Variants in PRKAA2 observed in about 807,000 individuals in gnomAD.
PRKAA2 encodes protein kinase AMP-activated catalytic subunit alpha 2.
PRKAA2 carries 40 observed loss-of-function variants against 56.3 expected under a neutral mutation model. That is an observed-to-expected ratio of 0.71 (90% confidence interval 0.55 to 0.92). The LOEUF (loss-of-function observed/expected upper bound fraction) is 0.92, where lower values mean the gene tolerates loss of function less well. PRKAA2 is among the 40% of genes least tolerant of loss of function. The pLI, the probability that PRKAA2 is intolerant of heterozygous loss-of-function variation, is 0.00. For missense variants in PRKAA2, 542 were observed against 686.9 expected (o/e 0.79, Z 2.36); for synonymous variants, 214 against 234.2 (o/e 0.91, Z 0.79).
Position 56,713,624 on chromosome 1 carries a change from G to A in PRKAA2, c.*5911G>A, listed in dbSNP as rs1228442340. ...ACAAGGTTCATACAGTGCATACAGT[G>A]TGACCTTTTCTGAGGTGGGCAGGGA... On this transcript the variant is annotated 3_prime_UTR_variant, in exon 9 of 9. Coordinates refer to ENST00000371244, the MANE Select transcript of PRKAA2 (RefSeq NM_006252.4). 6.6e-6 allele frequency: 1 copy of A among 152,062 alleles called. No homozygotes were observed. The highest frequency in any genetic ancestry group is 1.5e-5 in the Non-Finnish European group (1 of 68,006). The allele number at this position is 152,062 out of a possible 1,614,324, so 9.4% of individuals were successfully genotyped here.
At chr1:56,700,656 G>A (rs944412339) in intron 6 of PRKAA2, among the ~76,000 whole-genome samples, 1 of 152,118 alleles carries the variant, frequency 6.6e-6, no homozygotes, top group African/African-American at 2.4e-5. Context: ...TTTAACAAAT[G>A]CCCTGGGGAG....
intron 1 of PRKAA2, among the ~76,000 whole-genome samples, chr1:56,650,058 G>A (rs533500062): frequency 5.5e-4 from 83 of 152,010 alleles, no homozygotes; most frequent in Middle Eastern, 3.4e-3. Flanking sequence ...TTGTGCCACT[G>A]CACTCCAGCC....
At chr1:56,659,112 A>G (rs1192391173) in intron 1 of PRKAA2, among the ~76,000 whole-genome samples, 1 of 151,514 alleles carries the variant, frequency 6.6e-6, no homozygotes, top group East Asian at 1.9e-4. Flanking sequence ...TGTAAACTGT[A>G]TTCCTGACTC....
intron 6 of PRKAA2, among the ~76,000 whole-genome samples, chr1:56,702,754 G>A (rs1050955951): frequency 1.5e-4 from 23 of 152,068 alleles, no homozygotes; most frequent in Non-Finnish European, 3.4e-4. Context: ...TACTCAGAGT[G>A]GCTTCCCTGA....
chr1:56,686,638 C>T (rs891875733), intron 2 of PRKAA2, among the ~76,000 whole-genome samples: 4 of 152,046 alleles, frequency 2.6e-5, no homozygotes, highest in African/African-American at 9.7e-5. Flanking sequence ...GAGGAAGAGC[C>T]AGTCTCCTTT....
At chr1:56,695,317 G>A (rs1254701283) in intron 5 of PRKAA2, among the ~76,000 whole-genome samples, 2 of 151,596 alleles carry the variant, frequency 1.3e-5, no homozygotes, top group African/African-American at 4.8e-5. Context: ...TCAGCCTTCT[G>A]AGTAGCTGGG....
intron 1 of PRKAA2, among the ~76,000 whole-genome samples, chr1:56,671,884 C>G (rs893198478): frequency 6.6e-6 from 1 of 152,100 alleles, no homozygotes; most frequent in Admixed American, 6.6e-5. Flanking sequence ...GAAGCTAGCA[C>G]TTAGAATAAA....
At chr1:56,682,076 T>A (rs1446347739) in intron 2 of PRKAA2, among the ~76,000 whole-genome samples, 2 of 152,172 alleles carry the variant, frequency 1.3e-5, no homozygotes, top group African/African-American at 4.8e-5. Flanking sequence ...TTCACATCCC[T>A]TGTAAGTTGG....
intron 5 of PRKAA2, 26 bp from the exon 6 acceptor site, chr1:56,695,909 G>A: frequency 6.3e-7 from 1 of 1,590,284 alleles, no homozygotes; most frequent in Non-Finnish European, 8.6e-7. Context: ...TGCATTTCAG[G>A]TTTGTGTTGT....
chr1:56,677,912 C>T (rs1445379224), intron 2 of PRKAA2, among the ~76,000 whole-genome samples: 1 of 152,192 alleles, frequency 6.6e-6, no homozygotes, highest in Non-Finnish European at 1.5e-5. Flanking sequence ...CTGCCGCAGC[C>T]TCCCAAAGTG....
At position 56,710,670 on chromosome 1, in the gene PRKAA2, T is replaced by A. The variant is rs537323824; in HGVS notation, c.*2957T>A. 6.6e-6 allele frequency: 1 copy of A among 152,228 alleles called. No homozygotes were observed. Among genetic ancestry groups the A allele is most frequent in the East Asian group, 1.9e-4 (1 of 5,182 alleles). The allele number at this position is 152,228 out of a possible 1,614,324, so 9.4% of individuals were successfully genotyped here. ...GAGTGAATGCTGGATTAAATAGAATTTTCTGTGTCTGCAACTTGTTTCATG... is the reference window on the plus strand; with the variant it reads ...GAGTGAATGCTGGATTAAATAGAATATTCTGTGTCTGCAACTTGTTTCATG... On this transcript the variant is annotated 3_prime_UTR_variant, in exon 9 of 9. Coordinates refer to ENST00000371244, the MANE Select transcript of PRKAA2 (RefSeq NM_006252.4).
chr1:56,711,274 T>C lies in PRKAA2; in HGVS notation c.*3561T>C, dbSNP rs949671321. On this transcript the variant is annotated 3_prime_UTR_variant, in exon 9 of 9. Transcript: ENST00000371244. ...TTTGTACTCAGGGAATACAAATTGA[T>C]TTTTACTGTTAAATGAGACATAGTT... The C allele has an allele frequency of 1.3e-5, 2 of 152,124 alleles. No individual in the cohort carries two copies. Among genetic ancestry groups the C allele is most frequent in the Admixed American group, 1.3e-4 (2 of 15,264 alleles). 9.4% of individuals were successfully genotyped at this position (152,124 alleles called of 1,614,324 possible).
Position 56,707,631 on chromosome 1 carries a change from C to T in PRKAA2, c.1577C>T (p.Ser526Phe). ...GGCTCTTTGACCGGAAGCACATTGT[C>T]TTCAGTTTCACCTCGCCTGGGCAGT... is the stretch of plus-strand genomic sequence containing the variant. ...LTGSLTGSTL[S>F]SVSPRLGSHT... Residue 526 changes from serine (S) to phenylalanine (F), a missense_variant, in exon 9 of 9, where the codon TCT becomes TTT. By Grantham distance (155) the Ser-to-Phe change is radical. Around this residue, in one of 5 missense-constraint regions of PRKAA2, gnomAD observed 158 missense variants for 166.1 expected, o/e 0.95. Transcript: ENST00000371244. 6.2e-7 allele frequency: 1 copy of T among 1,614,068 alleles called. No individual in the cohort carries two copies. Among genetic ancestry groups the T allele is most frequent in the South Asian group, 1.1e-5 (1 of 91,080 alleles).
chr1:56,687,120 G>T (rs1180861891), intron 2 of PRKAA2, among the ~76,000 whole-genome samples: 1 of 152,018 alleles, frequency 6.6e-6, no homozygotes, highest in African/African-American at 2.4e-5. Context: ...TCGACCTCAG[G>T]TGATTCACCT....
intron 1 of PRKAA2, among the ~76,000 whole-genome samples, chr1:56,646,999 C>T (rs183781232): frequency 6.6e-6 from 1 of 151,956 alleles, no homozygotes; most frequent in Admixed American, 6.6e-5. Context: ...TTGAGAAAAA[C>T]GAATCAGGGA....
intron 2 of PRKAA2, among the ~76,000 whole-genome samples, chr1:56,680,999 C>T (rs1025195457): frequency 3.9e-5 from 6 of 152,206 alleles, no homozygotes; most frequent in Non-Finnish European, 5.9e-5. Flanking sequence ...TCCTATTTCT[C>T]CACATCCTCT....
At chr1:56,694,292 A>C (rs1400496811) in intron 5 of PRKAA2, among the ~76,000 whole-genome samples, 1 of 152,220 alleles carries the variant, frequency 6.6e-6, no homozygotes, top group Non-Finnish European at 1.5e-5. Context: ...GAAATTACAC[A>C]AGTAGAGATT....
At chr1:56,670,992 A>G (rs1163150548) in intron 1 of PRKAA2, among the ~76,000 whole-genome samples, 1 of 152,168 alleles carries the variant, frequency 6.6e-6, no homozygotes, top group Non-Finnish European at 1.5e-5. Context: ...TCTATGATCA[A>G]CGTTTCTTGC....
intron 1 of PRKAA2, among the ~76,000 whole-genome samples, chr1:56,669,985 A>G (rs966567883): frequency 6.6e-6 from 1 of 152,120 alleles, no homozygotes; most frequent in African/African-American, 2.4e-5. Flanking sequence ...GTGAGTGTGG[A>G]TTTTTCCCCT....
Sources: allele counts gnomAD v4.1 joint callset (sites outside exome capture counted in the v4.1 genomes callset), GRCh38; gene constraint gnomAD v4.1.1; regional missense constraint gnomAD v4.1.1; transcripts MANE v1.5; gene names NCBI Gene and HGNC (gene_info 2026-07-23, HGNC 2026-07-21).